Variants in BAK1 observed in about 807,000 individuals in gnomAD.
BAK1 encodes the protein BCL2 antagonist/killer 1, also known as bcl-2 homologous antagonist/killer.
A neutral mutation model predicts 24.7 loss-of-function variants in BAK1; 19 were observed. The observed-to-expected ratio is 0.77, with a 90% CI of 0.54 to 1.13. The LOEUF is 1.13. Among genes scored for constraint, BAK1 ranks in the 50% most tolerant of loss-of-function variants. The pLI, the probability that BAK1 is intolerant of heterozygous loss-of-function variation, is 0.00. For missense variants in BAK1, 194 were observed against 279.4 expected, an observed-to-expected ratio of 0.69 and a Z score of 2.18; for synonymous variants, 86 against 107.3, an observed-to-expected ratio of 0.80 and a Z score of 1.23.
intron 5 of BAK1, 41 bp downstream of exon 5, chr6:33,573,993 C>T (rs781040871): frequency 8.1e-6 from 13 of 1,612,952 alleles, no homozygotes; most frequent in Non-Finnish European, 1.1e-5. Context: ...AGAGGGGCAG[C>T]CCCAACAGCA....
chr6:33,573,747 T>G lies in BAK1; in HGVS notation c.*56A>C. 7.0e-7 allele frequency: 1 copy of G among 1,430,988 alleles called. No homozygotes were observed. The allele number at this position is 1,430,988 out of a possible 1,614,324, so 88.6% of individuals were successfully genotyped here. ...GCAAGGGAACAGAGAAGGCAAAGACTTCGCTTAAGTCCAGGCAGGGGTCTG... is the reference window on the plus strand; with the variant it reads ...GCAAGGGAACAGAGAAGGCAAAGACGTCGCTTAAGTCCAGGCAGGGGTCTG... On this transcript the variant is annotated 3_prime_UTR_variant, in exon 6 of 6. Coordinates refer to ENST00000374467, the MANE Select transcript of BAK1 (RefSeq NM_001188.4).
In BAK1 at chr6:33,578,784, C is replaced by A. The variant is rs1762888061; in HGVS notation, c.-31-1149G>T. ...TGCACCCCTCCCAGAGCCCCATTTC[C>A]CCAGGCAGCCTCCAGCCCTCAGAAG... On this transcript the variant is annotated intron_variant, in intron 1 of 5. Coordinates refer to ENST00000374467, the MANE Select transcript of BAK1 (RefSeq NM_001188.4). This position sits in a 1 kb window ranked among gnomAD's most constrained non-coding sequence, Gnocchi z 4.8. Among the ~76,000 whole-genome samples the A allele has an allele frequency of 6.6e-6, 1 of 152,172 alleles. No individual in the cohort carries two copies. Among genetic ancestry groups the A allele is most frequent in the Non-Finnish European group, 1.5e-5 (1 of 68,030 alleles).
Position 33,575,718 on chromosome 6 carries a change from AG to A in BAK1, c.206+74del. 1.3e-6 allele frequency: 2 copies of A among 1,571,450 alleles called. No individual in the cohort carries two copies. Among genetic ancestry groups the A allele is most frequent in the Non-Finnish European group, 1.7e-6 (2 of 1,157,828 alleles). ...GACCCCCGAGGCCTCCCCAGCTCCC[AG>A]GACCTGCACAGAGACCCATGCGAGC... is the stretch of plus-strand genomic sequence containing the variant. On this transcript the variant is annotated intron_variant, in intron 3 of 5. Transcript: ENST00000374467. The surrounding 1 kb of genome is among the most constrained non-coding windows in gnomAD (Gnocchi z 6.3).
At chr6:33,576,156 C>G (rs1441466214) in intron 2 of BAK1, among the ~76,000 whole-genome samples, 5 of 151,968 alleles carry the variant, frequency 3.3e-5, no homozygotes, top group African/African-American at 4.8e-5. Flanking sequence ...TGGAGAAACT[C>G]TGTCTCTACT....
Position 33,573,220 on chromosome 6 carries a change from G to A in BAK1, c.*583C>T, listed in dbSNP as rs1178963618. 1.3e-5 allele frequency: 2 copies of A among 153,054 alleles called. No homozygotes were observed. Among genetic ancestry groups the A allele is most frequent in the Middle Eastern group, 3.4e-3 (1 of 296 alleles). The allele number at this position is 153,054 out of a possible 1,614,324, so 9.5% of individuals were successfully genotyped here. On this transcript the variant is annotated 3_prime_UTR_variant, in exon 6 of 6. Transcript: ENST00000374467. ...TGGCCGGAGGGAGGAATGGGAGCAGGGGTAGAGTTGAGCAGGACCTTGGCC... is the reference window on the plus strand; with the variant it reads ...TGGCCGGAGGGAGGAATGGGAGCAGAGGTAGAGTTGAGCAGGACCTTGGCC...
At chr6:33,576,847 C>T (rs1762856481) in intron 2 of BAK1, among the ~76,000 whole-genome samples, 1 of 152,158 alleles carries the variant, frequency 6.6e-6, no homozygotes, top group African/African-American at 2.4e-5. Context: ...GTAACGTGTG[C>T]AAGGTCATAC....
chr6:33,575,725 GCA>G lies in BAK1; in HGVS notation c.206+66_206+67del. 1 of 1,586,224 alleles carries G rather than the reference GCA, an allele frequency of 6.3e-7. No individual in the cohort carries two copies. Reference sequence around the variant, plus strand: ...GAGGCCTCCCCAGCTCCCAGGACCTGCACAGAGACCCATGCGAGCTACTGCCT... The same window carrying G: ...GAGGCCTCCCCAGCTCCCAGGACCTGCAGAGACCCATGCGAGCTACTGCCT... On this transcript the variant is annotated intron_variant, in intron 3 of 5. Transcript: ENST00000374467. The surrounding 1 kb of genome is among the most constrained non-coding windows in gnomAD (Gnocchi z 6.3).
Position 33,578,873 on chromosome 6 carries a change from A to G in BAK1, c.-32+1152T>C, listed in dbSNP as rs1762889889. Among the ~76,000 whole-genome samples, 1 of 152,120 alleles carries G rather than the reference A, an allele frequency of 6.6e-6. No homozygotes were observed. Among genetic ancestry groups the G allele is most frequent in the African/African-American group, 2.4e-5 (1 of 41,450 alleles). On this transcript the variant is annotated intron_variant, in intron 1 of 5. Coordinates refer to ENST00000374467, the MANE Select transcript of BAK1 (RefSeq NM_001188.4). The surrounding 1 kb of genome is among the most constrained non-coding windows in gnomAD (Gnocchi z 4.8). ...CAGCCCCACCCTGGGCCAAGCACAC[A>G]GCCCCACCCCCACCGCCCAGGGCCT...
chr6:33,579,907 C>G (rs1467651381), intron 1 of BAK1, 118 bp downstream of exon 1: 3 of 152,356 alleles, frequency 2.0e-5, no homozygotes, highest in African/African-American at 7.2e-5. Context: ...GGCGGCAGAC[C>G]TGCCCAGGGA....
rs1561830739 is a variant in BAK1 at position 33,574,177 on chromosome 6, C to T, written c.388G>A (p.Ala130Thr). Residue 130 changes from alanine to threonine, a missense_variant, in exon 5 of 6, where the codon GCT becomes ACT. Transcript: ENST00000374467. ...AGACGGTAGCCGAAGCCCAGAAGAG[C>T]CACCACACGGCCCCAATTGATGCCA... is the stretch of plus-strand genomic sequence containing the variant. ...ESGINWGRVV[A>T]LLGFGYRLAL... 6.2e-7 allele frequency: 1 copy of T among 1,614,120 alleles called. No homozygotes were observed. Among genetic ancestry groups the T allele is most frequent in the Non-Finnish European group, 8.5e-7 (1 of 1,180,008 alleles).
In BAK1 at chr6:33,575,295, T is replaced by A. The variant is rs1348474095; in HGVS notation, c.350+3A>T. The stretch of plus-strand genomic sequence containing the variant: ...GGAGCTGGCAGGGAGGTGGCTGGGG[T>A]ACCTGGTGGCAATCTTGGTGAAGTA... On this transcript the variant is annotated splice_donor_region_variant and intron_variant, in intron 4 of 5. Coordinates refer to ENST00000374467, the MANE Select transcript of BAK1 (RefSeq NM_001188.4). This position sits in a 1 kb window ranked among gnomAD's most constrained non-coding sequence, Gnocchi z 6.3. The A allele has an allele frequency of 3.7e-6, 6 of 1,613,844 alleles. No individual in the cohort carries two copies. The highest frequency in any genetic ancestry group is 4.2e-6 in the Non-Finnish European group (5 of 1,180,000).
At position 33,577,781 on chromosome 6, in the gene BAK1, G is replaced by T; in HGVS notation, c.-31-146C>A. On this transcript the variant is annotated intron_variant, in intron 1 of 5. Coordinates refer to ENST00000374467, the MANE Select transcript of BAK1 (RefSeq NM_001188.4). This position sits in a 1 kb window ranked among gnomAD's most constrained non-coding sequence, Gnocchi z 4.6. ...AGTCCTCTGGGACTTTGGCCAGGCC[G>T]GTCTCAAACTCCTGACCTCGTGAGT... The T allele has an allele frequency of 5.3e-6, 3 of 565,172 alleles. No individual in the cohort carries two copies. Among genetic ancestry groups the T allele is most frequent in the Non-Finnish European group, 9.2e-6 (3 of 326,842 alleles). The allele number at this position is 565,172 out of a possible 1,614,324, so 35.0% of individuals were successfully genotyped here.
Position 33,575,734 on chromosome 6 carries a change from C to A in BAK1, c.206+59G>T, listed in dbSNP as rs1345019622. The A allele has an allele frequency of 1.3e-6, 2 of 1,593,340 alleles. No homozygotes were observed. The highest frequency in any genetic ancestry group is 1.3e-5 in the African/African-American group (1 of 74,726). On this transcript the variant is annotated intron_variant, in intron 3 of 5. Coordinates refer to ENST00000374467, the MANE Select transcript of BAK1 (RefSeq NM_001188.4). This position sits in a 1 kb window ranked among gnomAD's most constrained non-coding sequence, Gnocchi z 6.3. ...CCAGCTCCCAGGACCTGCACAGAGA[C>A]CCATGCGAGCTACTGCCTCCCTGAA...
At position 33,573,866 on chromosome 6, in the gene BAK1, C is replaced by A; in HGVS notation, c.573G>T (p.Val191=). ...ACAGAACCACACCCAGAACCACCAG[C>A]ACGTTCAGGATGGGACCATTGCCCA... ...LNLGNGPILN[V]LVVLGVVLLG... Residue 191 remains valine (V), a synonymous_variant, in exon 6 of 6, where the codon GTG becomes GTT. Coordinates refer to ENST00000374467, the MANE Select transcript of BAK1 (RefSeq NM_001188.4). 2 of 1,614,216 alleles carry A rather than the reference C, an allele frequency of 1.2e-6. No individual in the cohort carries two copies. Among genetic ancestry groups the A allele is most frequent in the Non-Finnish European group, 1.7e-6 (2 of 1,180,022 alleles).
At chr6:33,576,118 C>T (rs1486737889) in intron 2 of BAK1, among the ~76,000 whole-genome samples, 190 bp from the exon 3 acceptor site, 9 of 151,292 alleles carry the variant, frequency 5.9e-5, no homozygotes, top group African/African-American at 1.9e-4. Flanking sequence ...CACCTGAGGT[C>T]GGGAGTTCAA....
At chr6:33,576,050 C>T (rs932553516) in intron 2 of BAK1, 122 bp from the exon 3 acceptor site, 5 of 1,440,794 alleles carry the variant, frequency 3.5e-6, no homozygotes, top group Non-Finnish European at 4.7e-6. Flanking sequence ...ATATCCCAAC[C>T]AGGTGCGGTG....
intron 4 of BAK1, chr6:33,574,495 G>A (rs752880619): frequency 1.2e-5 from 17 of 1,459,304 alleles, no homozygotes; most frequent in African/African-American, 7.0e-5. Context: ...TGGAGTCAGC[G>A]GGGAGATTAC....
intron 2 of BAK1, among the ~76,000 whole-genome samples, chr6:33,576,448 G>A (rs1383875480): frequency 6.6e-6 from 1 of 151,736 alleles, no homozygotes; most frequent in Non-Finnish European, 1.5e-5. Context: ...GGCTAACATG[G>A]TGAAACCCCG....
At position 33,580,062 on chromosome 6, in the gene BAK1, G is replaced by C. The variant is rs1480646695; in HGVS notation, c.-69C>G. 1 of 152,466 alleles carries C rather than the reference G, an allele frequency of 6.6e-6. No individual in the cohort carries two copies. Among genetic ancestry groups the C allele is most frequent in the Non-Finnish European group, 1.5e-5 (1 of 68,180 alleles). 9.4% of individuals were successfully genotyped at this position (152,466 alleles called of 1,614,324 possible). ...TGGCCCAACCCGGGTGGCTCAGCAG[G>C]GTGGAGATGGAGGTCCCGAGGGGCT... is the stretch of plus-strand genomic sequence containing the variant. On this transcript the variant is annotated 5_prime_UTR_variant, in exon 1 of 6. Coordinates refer to ENST00000374467, the MANE Select transcript of BAK1 (RefSeq NM_001188.4).
Sources: allele counts gnomAD v4.1 joint callset (sites outside exome capture counted in the v4.1 genomes callset), GRCh38; gene constraint gnomAD v4.1.1; non-coding constraint Gnocchi (gnomAD v3.1); transcripts MANE v1.5; gene names NCBI Gene and HGNC (gene_info 2026-07-23, HGNC 2026-07-21).